The following NPL variants were observed in gnomAD, a reference collection of about 807,000 sequenced individuals.
NPL encodes the protein N-acetylneuraminate lyase.
NPL carries 32 observed loss-of-function variants against 41.1 expected under a neutral mutation model. The observed-to-expected ratio is 0.78, with a 90% confidence interval of 0.59 to 1.05. The LOEUF is 1.05. NPL is among the 50% of genes least tolerant of loss of function. The probability of loss-of-function intolerance (pLI) is 0.00; values close to 1 mark genes in which losing one functional copy is unlikely to be tolerated. For synonymous variants in NPL, 128 were observed against 134.9 expected (o/e 0.95, Z 0.35); for missense variants, 321 against 378.4 (o/e 0.85, Z 1.26).
At chr1:182,803,541 A>T (rs1354509734) in intron 3 of NPL, among the ~76,000 whole-genome samples, 157 bp from the exon 4 acceptor site, 1 of 152,110 alleles carries the variant, frequency 6.6e-6, no homozygotes, top group Non-Finnish European at 1.5e-5. Context: ...GGGGGGGAAA[A>T]AAACCCCAGG....
chr1:182,794,280 G>A, intron 2 of NPL, 76 bp from the exon 3 acceptor site: 2 of 1,242,688 alleles, frequency 1.6e-6, no homozygotes, highest in Non-Finnish European at 2.4e-6. Flanking sequence ...TTCTAAACTA[G>A]AAATGGACTT....
intron 10 of NPL, among the ~76,000 whole-genome samples, chr1:182,820,514 C>T (rs143129955): frequency 5.9e-5 from 9 of 152,204 alleles, no homozygotes; most frequent in East Asian, 5.8e-4. Flanking sequence ...ATTCTCACAT[C>T]GCTATAAAGA....
intron 8 of NPL, 35 bp downstream of exon 8, chr1:182,816,841 C>A: frequency 2.0e-6 from 3 of 1,487,486 alleles, no homozygotes; most frequent in South Asian, 1.1e-5. Flanking sequence ...TCTTTCCTTC[C>A]AACTCTCACA....
intron 6 of NPL, among the ~76,000 whole-genome samples, chr1:182,814,069 AAAC>A (rs1157641254): frequency 6.6e-6 from 1 of 152,238 alleles, no homozygotes; most frequent in Non-Finnish European, 1.5e-5. Flanking sequence ...GCACGTTCTG[AAAC>A]AACAAGTATC....
At chr1:182,806,522 G>A (rs1000721914) in intron 5 of NPL, 14 of 1,536,216 alleles carry the variant, frequency 9.1e-6, no homozygotes, top group Non-Finnish European at 1.0e-5. Flanking sequence ...ACCCGTCTTT[G>A]GGCTGAAAGG....
intron 3 of NPL, among the ~76,000 whole-genome samples, chr1:182,799,000 C>A (rs1356861630): frequency 6.6e-6 from 1 of 152,214 alleles, no homozygotes; most frequent in Non-Finnish European, 1.5e-5. Context: ...CATGCCACAT[C>A]ATGTCAGGTA....
chr1:182,814,969 T>C, intron 7 of NPL, 111 bp downstream of exon 7: 1 of 855,510 alleles, frequency 1.2e-6, no homozygotes, highest in South Asian at 1.4e-5. Flanking sequence ...GATTGGAGGC[T>C]TGAAGTCGCA....
intron 3 of NPL, among the ~76,000 whole-genome samples, chr1:182,796,765 G>A (rs764966973): frequency 2.6e-5 from 4 of 152,076 alleles, no homozygotes; most frequent in Non-Finnish European, 4.4e-5. Flanking sequence ...GGCCGGGCAC[G>A]GTGGCTCATG....
At chr1:182,809,184 G>C in intron 5 of NPL, 1 of 442,412 alleles carries the variant, frequency 2.3e-6, no homozygotes, top group South Asian at 1.6e-5. Context: ...CCCATTTTAA[G>C]GTCAAACCAT....
intron 11 of NPL, 36 bp downstream of exon 11, chr1:182,822,235 T>G: frequency 7.2e-7 from 1 of 1,387,908 alleles, no homozygotes; most frequent in Non-Finnish European, 1.0e-6. Context: ...AATCACAGCC[T>G]TTTTTCTTCC....
intron 6 of NPL, among the ~76,000 whole-genome samples, chr1:182,813,620 C>A (rs1667241536): frequency 6.6e-6 from 1 of 152,152 alleles, no homozygotes. Flanking sequence ...ACAGTATCAT[C>A]CATTGGACTG....
chr1:182,806,701 C>T (rs919548548), intron 5 of NPL, among the ~76,000 whole-genome samples: 3 of 152,152 alleles, frequency 2.0e-5, no homozygotes, highest in Non-Finnish European at 4.4e-5. Flanking sequence ...CTTCCTCTTG[C>T]GCTGTTGGAG....
chr1:182,819,164 G>T (rs12061976), intron 10 of NPL, among the ~76,000 whole-genome samples: 12,278 of 151,898 alleles, frequency 0.081, 1,315 homozygotes, highest in African/African-American at 0.25. Context: ...TACTAAAAAT[G>T]TAAAGAAATG....
In NPL at chr1:182,816,790, C is replaced by A; in HGVS notation, c.441C>A (p.Ala147=). ...CATTTTATTACTATCACATTCCTGC[C>A]TTGACAGGGGTAAAGAGTAAGTACT... is the stretch of plus-strand genomic sequence containing the variant. ...ALPFYYYHIP[A]LTGVKIRAEE... Residue 147 remains alanine (A), a synonymous_variant, in exon 8 of 13, where the codon GCC becomes GCA. Transcript: ENST00000367553. 1 of 1,612,938 alleles carries A rather than the reference C, an allele frequency of 6.2e-7. No homozygotes were observed. Among genetic ancestry groups the A allele is most frequent in the Non-Finnish European group, 8.5e-7 (1 of 1,179,158 alleles).
At chr1:182,825,284 GAAC>G (rs1456654627) in intron 11 of NPL, among the ~76,000 whole-genome samples, 1 of 152,062 alleles carries the variant, frequency 6.6e-6, no homozygotes, top group Non-Finnish European at 1.5e-5. Context: ...AAACAGAAAA[GAAC>G]AACCTGCACC....
intron 4 of NPL, among the ~76,000 whole-genome samples, chr1:182,805,294 G>T (rs953904008): frequency 6.6e-6 from 1 of 152,212 alleles, no homozygotes; most frequent in African/African-American, 2.4e-5. Context: ...AGCTGGGCAT[G>T]GTGGTGGGTC....
chr1:182,809,318 C>A (rs1305044669), intron 5 of NPL: 2 of 370,366 alleles, frequency 5.4e-6, no homozygotes, highest in East Asian at 8.9e-5. Context: ...GTAGGCAGAT[C>A]ACCTGAGGTC....
At chr1:182,811,747 A>G (rs921628022) in intron 5 of NPL, among the ~76,000 whole-genome samples, 1 of 152,178 alleles carries the variant, frequency 6.6e-6, no homozygotes, top group African/African-American at 2.4e-5. Flanking sequence ...GTAACATGAA[A>G]CCTCCATGAT....
chr1:182,816,737 G>A lies in NPL; in HGVS notation c.388G>A (p.Glu130Lys). Reference protein sequence around the residue: ...TKDILINFLKEVAAAAPALPF... With the variant: ...TKDILINFLKKVAAAAPALPF... ...AGATATCCTGATTAATTTCCTAAAG[G>A]AAGTGGCTGCTGCCGCCCCTGCCCT... Residue 130 changes from glutamate (E) to lysine (K), a missense_variant, in exon 8 of 13, where the codon GAA (glutamate) becomes AAA (lysine). By Grantham distance (56) the Glu-to-Lys change is moderately conservative. Transcript: ENST00000367553. 1 of 1,612,728 alleles carries A rather than the reference G, an allele frequency of 6.2e-7. No homozygotes were observed. The highest frequency in any genetic ancestry group is 8.5e-7 in the Non-Finnish European group (1 of 1,179,626).
Sources: allele counts gnomAD v4.1 joint callset (sites outside exome capture counted in the v4.1 genomes callset), GRCh38; gene constraint gnomAD v4.1.1; transcripts MANE v1.5; gene names NCBI Gene and HGNC (gene_info 2026-07-23, HGNC 2026-07-21).